The following EIF3H variants were observed in gnomAD, a reference collection of about 807,000 sequenced individuals.
EIF3H encodes the protein eIF-3-gamma.
EIF3H carries 26 observed loss-of-function variants against 44.2 expected under a neutral mutation model. The observed-to-expected ratio is 0.59, with a 90% CI of 0.43 to 0.82. The LOEUF (loss-of-function observed/expected upper bound fraction) is 0.82. Ranked by LOEUF, EIF3H falls within the 40% of genes least tolerant of loss-of-function variation. EIF3H has a pLI of 0.00. For synonymous variants in EIF3H, 166 were observed against 151.9 expected (o/e 1.09, Z -0.68); for missense variants, 359 against 432.8 (o/e 0.83, Z 1.51).
At chr8:116,709,665 T>G (rs1814539467) in intron 2 of EIF3H, among the ~76,000 whole-genome samples, 1 of 152,206 alleles carries the variant, frequency 6.6e-6, no homozygotes, top group African/African-American at 2.4e-5. Flanking sequence ...AAGCTATAGC[T>G]CTTGTCTTTA....
At chr8:116,706,956 A>G (rs1042670255) in intron 2 of EIF3H, among the ~76,000 whole-genome samples, 1 of 152,186 alleles carries the variant, frequency 6.6e-6, no homozygotes, top group African/African-American at 2.4e-5. Context: ...GACGTTTGGT[A>G]GGTTAGGTGT....
At chr8:116,670,108 T>C (rs1398943478) in intron 2 of EIF3H, among the ~76,000 whole-genome samples, 1 of 152,196 alleles carries the variant, frequency 6.6e-6, no homozygotes, top group Non-Finnish European at 1.5e-5. Flanking sequence ...ATCCTGGGAT[T>C]TCAAGGAATG....
At chr8:116,701,697 T>A (rs1814378288) in intron 2 of EIF3H, among the ~76,000 whole-genome samples, 1 of 152,136 alleles carries the variant, frequency 6.6e-6, no homozygotes, top group African/African-American at 2.4e-5. Flanking sequence ...AAACATCAGA[T>A]AAGCCCAAAT....
intron 2 of EIF3H, among the ~76,000 whole-genome samples, chr8:116,683,423 C>G (rs1012427347): frequency 1.3e-5 from 2 of 152,148 alleles, no homozygotes; most frequent in Non-Finnish European, 2.9e-5. Context: ...GAGTCACGCT[C>G]TCTTGTGCCT....
In EIF3H at chr8:116,669,340, T is replaced by G. The variant is rs566756678; in HGVS notation, c.290-10360A>C. 2.0e-5 allele frequency among the ~76,000 whole-genome samples: 3 copies of G among 152,356 alleles called. No homozygotes were observed. In the South Asian group the frequency reaches 6.2e-4, roughly 32 times the overall value. On this transcript the variant is annotated intron_variant, in intron 2 of 7. Transcript: ENST00000521861. ...TTGTACCATATAAGTTTCTATCTCC[T>G]GATTCCATTAATAACTCTTCCAAAG...
intron 5 of EIF3H, among the ~76,000 whole-genome samples, chr8:116,651,039 T>C (rs940099236): frequency 1.3e-5 from 2 of 152,186 alleles, no homozygotes; most frequent in Non-Finnish European, 2.9e-5. Flanking sequence ...TGGGTTTGGG[T>C]TCCCGTTCAG....
intron 2 of EIF3H, among the ~76,000 whole-genome samples, chr8:116,716,873 G>A (rs928267746): frequency 1.3e-5 from 2 of 151,866 alleles, no homozygotes; most frequent in East Asian, 3.9e-4. Context: ...CTCTTTACAT[G>A]AGGCACCAAA....
At chr8:116,744,223 A>AAC (rs1293909472) in intron 1 of EIF3H, among the ~76,000 whole-genome samples, 2 of 151,676 alleles carry the variant, frequency 1.3e-5, no homozygotes, top group African/African-American at 4.8e-5. Context: ...TTAAAAAAAA[A>AAC]AAAAACAAAC....
chr8:116,644,130 CTG>C lies in EIF3H; in HGVS notation c.*874_*875del, dbSNP rs1813262663. 1 of 152,240 alleles carries C rather than the reference CTG, an allele frequency of 6.6e-6. No homozygotes were observed. Among genetic ancestry groups the C allele is most frequent in the Admixed American group, 6.5e-5 (1 of 15,276 alleles). 9.4% of individuals were successfully genotyped at this position (152,240 alleles called of 1,614,324 possible). On this transcript the variant is annotated 3_prime_UTR_variant, in exon 8 of 8. Coordinates refer to ENST00000521861, the MANE Select transcript of EIF3H (RefSeq NM_003756.3). The stretch of plus-strand genomic sequence containing the variant: ...CCTGTCCAGGAGTGGTGGCTCATGC[CTG>C]TATTCCCAGCACTTTGGGAGACAGA...
chr8:116,754,113 C>T (rs1378265405), intron 1 of EIF3H, among the ~76,000 whole-genome samples: 1 of 151,946 alleles, frequency 6.6e-6, no homozygotes, highest in African/African-American at 2.4e-5. Context: ...AGATAGTACT[C>T]CATTTTCTTT....
At chr8:116,741,692 A>G (rs1448644072) in intron 1 of EIF3H, among the ~76,000 whole-genome samples, 1 of 152,256 alleles carries the variant, frequency 6.6e-6, no homozygotes, top group African/African-American at 2.4e-5. Flanking sequence ...CCGTCAAAGA[A>G]CAGCTATTAC....
intron 1 of EIF3H, among the ~76,000 whole-genome samples, chr8:116,747,065 TTTTTTTG>T (rs1371975127): frequency 1.4e-5 from 2 of 147,338 alleles, no homozygotes; most frequent in East Asian, 2.4e-4. Context: ...TGTTTTTTTG[TTTTTTTG>T]TTTTTTTTGA....
rs1047100661 is a variant in EIF3H at position 116,644,739 on chromosome 8, G to C, written c.*267C>G. ...TAGGTTTCTGCCTGGTGAAACTTCC[G>C]GTCAGGGCTTGTTTTAGCTTTTAGA... On this transcript the variant is annotated 3_prime_UTR_variant, in exon 8 of 8. Coordinates refer to ENST00000521861, the MANE Select transcript of EIF3H (RefSeq NM_003756.3). 2 of 355,690 alleles carry C rather than the reference G, an allele frequency of 5.6e-6. No individual in the cohort carries two copies. The highest frequency in any genetic ancestry group is 2.1e-5 in the African/African-American group (1 of 48,638). 22.0% of individuals were successfully genotyped at this position (355,690 alleles called of 1,614,324 possible).
intron 2 of EIF3H, 45 bp from the exon 3 acceptor site, chr8:116,659,025 G>A (rs1813541797): frequency 6.6e-7 from 1 of 1,524,708 alleles, no homozygotes; most frequent in Non-Finnish European, 8.8e-7. Context: ...ACTTTTTAAT[G>A]ATGTTACCAA....
At chr8:116,659,785 C>T (rs1006694317) in intron 2 of EIF3H, among the ~76,000 whole-genome samples, 23 of 151,882 alleles carry the variant, frequency 1.5e-4, no homozygotes, top group Non-Finnish European at 3.1e-4. Flanking sequence ...ATATAATAAA[C>T]GACATTTTAA....
At chr8:116,709,026 A>G (rs1387484541) in intron 2 of EIF3H, among the ~76,000 whole-genome samples, 1 of 151,994 alleles carries the variant, frequency 6.6e-6, no homozygotes, top group Admixed American at 6.6e-5. Flanking sequence ...TTTTGCAATA[A>G]AAGAAATTAT....
intron 5 of EIF3H, among the ~76,000 whole-genome samples, chr8:116,651,431 A>C (rs1813391695): frequency 6.6e-6 from 1 of 152,256 alleles, no homozygotes. Context: ...ATAAAAATAA[A>C]TCCAACTAAA....
At position 116,699,565 on chromosome 8, in the gene EIF3H, G is replaced by A. The variant is rs561708276; in HGVS notation, c.289+26451C>T. Among the ~76,000 whole-genome samples, 31 of 152,270 alleles carry A rather than the reference G, an allele frequency of 2.0e-4. No individual in the cohort carries two copies. The South Asian group carries it at 6.4e-3, about 32-fold the overall frequency. On this transcript the variant is annotated intron_variant, in intron 2 of 7. Coordinates refer to ENST00000521861, the MANE Select transcript of EIF3H (RefSeq NM_003756.3). ...AACTACTAGAGTGGGTAGGGAGGGA[G>A]GGGTACAAGAGTTGAAAAACCATTG...
intron 1 of EIF3H, chr8:116,734,435 A>G: frequency 4.4e-6 from 2 of 454,056 alleles, no homozygotes; most frequent in South Asian, 1.6e-5. Context: ...CATAAATCAC[A>G]CAAGTTGTAT....
Sources: gnomAD v4.1 joint callset for allele counts (sites outside exome capture counted in the v4.1 genomes callset) on GRCh38, gnomAD v4.1.1 for gene constraint, MANE v1.5 for transcripts, NCBI Gene and HGNC (gene_info 2026-07-23, HGNC 2026-07-21) for gene names.